Variants in BTBD2 observed in about 807,000 individuals in gnomAD.
The protein encoded by BTBD2 is BTB/POZ domain-containing protein 2.
BTBD2 carries 15 observed loss-of-function variants against 44.0 expected under a neutral mutation model. The ratio of observed to expected loss-of-function variants is 0.34; its 90% CI spans 0.23 to 0.53. BTBD2 has a LOEUF of 0.53. BTBD2 is among the 20% of genes least tolerant of loss of function. The probability of loss-of-function intolerance (pLI) is 0.95; values close to 1 mark genes in which losing one functional copy is unlikely to be tolerated. For missense variants in BTBD2, 657 were observed against 746.4 expected (o/e 0.88, Z 1.39); for synonymous variants, 443 against 335.9 (o/e 1.32, Z -3.49).
At chr19:2,006,703 T>C (rs992595384) in intron 1 of BTBD2, among the ~76,000 whole-genome samples, 31 of 151,894 alleles carry the variant, frequency 2.0e-4, no homozygotes, top group African/African-American at 7.3e-4. Context: ...TTTTTTTTTT[T>C]CTGAGACGGA....
chr19:1,989,419 G>C (rs1487581597), intron 5 of BTBD2: 3 of 156,238 alleles, frequency 1.9e-5, no homozygotes, highest in South Asian at 1.9e-4. Flanking sequence ...GCAAGAGCGG[G>C]GGCCGCGTGG....
intron 1 of BTBD2, chr19:2,013,424 C>T: frequency 5.0e-6 from 4 of 803,870 alleles, no homozygotes. Context: ...GACCCCGGAG[C>T]TGGGGGTCTC....
rs762077316 is a variant in BTBD2 at position 1,990,072 on chromosome 19, C to A, written c.920G>T (p.Arg307Leu). ...QQLQVTPENRRKVLGKALGLI... is the reference protein window; with the variant it reads ...QQLQVTPENRLKVLGKALGLI... ...GCCCAGGGCCTTGCCCAGAACCTTC[C>A]GCCTGTTCTCTGGCGTCACCTGCAG... Residue 307 changes from arginine to leucine, a missense_variant, in exon 5 of 9, where the codon CGG (arginine) becomes CTG (leucine). This residue lies in a region of BTBD2 where 449 missense variants were observed against 510.9 expected (regional missense o/e 0.88). Transcript: ENST00000255608. The A allele has an allele frequency of 3.7e-6, 6 of 1,613,284 alleles. No individual in the cohort carries two copies.
chr19:2,010,128 G>C (rs1317057801), intron 1 of BTBD2, among the ~76,000 whole-genome samples: 1 of 152,214 alleles, frequency 6.6e-6, no homozygotes, highest in East Asian at 1.9e-4. Context: ...CTCCAGCCTG[G>C]GCAACAGAGC....
intron 1 of BTBD2, among the ~76,000 whole-genome samples, chr19:2,001,029 C>A (rs184162490): frequency 0.19 from 29,096 of 151,812 alleles, 3,090 homozygotes; most frequent in East Asian, 0.31. Flanking sequence ...CACGCCTGTA[C>A]TCCCAGCACT....
At chr19:1,993,772 G>T (rs2016213479) in intron 2 of BTBD2, among the ~76,000 whole-genome samples, 1 of 151,684 alleles carries the variant, frequency 6.6e-6, no homozygotes, top group Non-Finnish European at 1.5e-5. Context: ...GAGGCGGGCA[G>T]ATCGCCTGAG....
chr19:1,996,801 G>T (rs946928219), intron 2 of BTBD2, among the ~76,000 whole-genome samples: 3 of 152,094 alleles, frequency 2.0e-5, no homozygotes, highest in African/African-American at 7.2e-5. Flanking sequence ...GAACCAGGAA[G>T]TCGGAGGTCT....
At chr19:1,990,477 C>T in intron 4 of BTBD2, 1 of 609,282 alleles carries the variant, frequency 1.6e-6, no homozygotes, top group Non-Finnish European at 2.9e-6. Context: ...AGCCATGGAC[C>T]ATCGGAGGAC....
intron 1 of BTBD2, among the ~76,000 whole-genome samples, chr19:2,010,141 G>T (rs1036577444): frequency 2.0e-5 from 3 of 152,206 alleles, no homozygotes; most frequent in Non-Finnish European, 2.9e-5. Flanking sequence ...AACAGAGCGA[G>T]ACTCCGTCTC....
chr19:1,987,179 T>C lies in BTBD2; in HGVS notation c.1256A>G (p.Gln419Arg). Reference protein sequence around the residue: ...YGSIHGPTDYQVNIQIIHTDS... With the variant: ...YGSIHGPTDYRVNIQIIHTDS... ...TGGGGCTGGTACCTGGATGTTCACT[T>C]GGTAGTCGGTGGGCCCGTGGATGGA... The change falls in exon 7 of 9, where the codon CAA becomes CGA. Residue 419 changes from glutamine to arginine, a missense_variant. Physicochemically the swap from Gln to Arg is conservative, Grantham distance 43. This residue lies in a region of BTBD2 where 449 missense variants were observed against 510.9 expected (regional missense o/e 0.88). Transcript: ENST00000255608. 1.2e-6 allele frequency: 2 copies of C among 1,613,706 alleles called. No homozygotes were observed. The highest frequency in any genetic ancestry group is 1.7e-6 in the Non-Finnish European group (2 of 1,179,778).
At chr19:1,994,965 T>C (rs1425758646) in intron 2 of BTBD2, among the ~76,000 whole-genome samples, 1 of 152,074 alleles carries the variant, frequency 6.6e-6, no homozygotes, top group Non-Finnish European at 1.5e-5. Flanking sequence ...TGATTCTGGT[T>C]TTTCTTTTTT....
intron 1 of BTBD2, 85 bp downstream of exon 1, chr19:2,015,212 C>T: frequency 5.7e-6 from 8 of 1,411,818 alleles, no homozygotes; most frequent in Non-Finnish European, 7.4e-6. Context: ...GTCTCGGGGA[C>T]AGAGGGGTGC....
In BTBD2 at chr19:1,986,527, C is replaced by T; in HGVS notation, c.1539G>A (p.Val513=). The T allele has an allele frequency of 6.2e-7, 1 of 1,614,062 alleles. No individual in the cohort carries two copies. Among genetic ancestry groups the T allele is most frequent in the South Asian group, 1.1e-5 (1 of 91,088 alleles). Residue 513 remains valine (V), a synonymous_variant, in exon 9 of 9, where the codon GTG becomes GTA. Coordinates refer to ENST00000255608, the MANE Select transcript of BTBD2 (RefSeq NM_017797.4). The part of the protein sequence containing the change: ...YAAGNNNGTS[V]EDGQIPEVIF... ...TGACCTCGGGGATCTGGCCGTCCTC[C>T]ACGGATGTGCCATTGTTGTTCCCGG...
chr19:2,009,501 T>C (rs553217578), intron 1 of BTBD2, among the ~76,000 whole-genome samples: 78 of 147,380 alleles, frequency 5.3e-4, no homozygotes, highest in South Asian at 3.5e-3. Context: ...CCCACCCAGA[T>C]TGTTCTACTT....
At chr19:2,010,866 T>A (rs1368994096) in intron 1 of BTBD2, among the ~76,000 whole-genome samples, 1 of 152,152 alleles carries the variant, frequency 6.6e-6, no homozygotes, top group Non-Finnish European at 1.5e-5. Context: ...CTCAAACCCC[T>A]GACCTCAGAT....
intron 6 of BTBD2, 52 bp downstream of exon 6, chr19:1,987,448 C>T (rs1223163807): frequency 3.3e-5 from 48 of 1,454,218 alleles, no homozygotes; most frequent in Admixed American, 6.2e-5. Flanking sequence ...CCGTCATCCC[C>T]GAGTCCTCCA....
intron 1 of BTBD2, among the ~76,000 whole-genome samples, chr19:2,006,051 G>A (rs2145645924): frequency 6.7e-6 from 1 of 150,108 alleles, no homozygotes; most frequent in African/African-American, 2.5e-5. Context: ...TCGAGCCACT[G>A]AACTCCAGTG....
rs774988066 is a variant in BTBD2, at chr19:1,990,205, T to C, written c.791-4A>G. 6.9e-6 allele frequency: 11 copies of C among 1,590,726 alleles called. No homozygotes were observed. In the East Asian group the frequency reaches 2.1e-4, roughly 30 times the overall value. The stretch of plus-strand genomic sequence containing the variant: ...TCCAGGACAGCCACCAGCGTGTCTG[T>C]GGGGTGGAGGAAGGGGCTGCGTGAA... On this transcript the variant is annotated splice_polypyrimidine_tract_variant and splice_region_variant and intron_variant, in intron 4 of 8. Transcript: ENST00000255608.
At chr19:2,013,776 G>A in intron 1 of BTBD2, 1 of 726,140 alleles carries the variant, frequency 1.4e-6, no homozygotes, top group Non-Finnish European at 1.7e-6. Context: ...CTGAGCCTGG[G>A]GGTCTCCGGT....
Sources: gnomAD v4.1 joint callset for allele counts (sites outside exome capture counted in the v4.1 genomes callset) on GRCh38, gnomAD v4.1.1 for gene constraint, gnomAD v4.1.1 regional missense constraint, MANE v1.5 for transcripts, NCBI Gene and HGNC (gene_info 2026-07-23, HGNC 2026-07-21) for gene names.